The following GFPT2 variants were observed in gnomAD, a reference collection of about 807,000 sequenced individuals.
GFPT2 encodes the protein glutamine--fructose-6-phosphate transaminase 2.
Under a neutral mutation model 85.6 loss-of-function variants are expected in GFPT2, and 62 were observed. The ratio of observed to expected loss-of-function variants is 0.72; its 90% CI spans 0.59 to 0.90. GFPT2 has a LOEUF of 0.90. Among genes scored for constraint, GFPT2 ranks in the 40% least tolerant of loss-of-function variants. The pLI is 0.00. For synonymous variants in GFPT2, 368 were observed against 344.5 expected, an observed-to-expected ratio of 1.07 and a Z score of -0.75; for missense variants, 788 against 893.4, an observed-to-expected ratio of 0.88 and a Z score of 1.50.
intron 6 of GFPT2, among the ~76,000 whole-genome samples, chr5:180,329,051 A>G (rs1317443000): frequency 6.6e-6 from 1 of 152,136 alleles, no homozygotes; most frequent in East Asian, 1.9e-4. Context: ...TGGTTTTTTG[A>G]CTTAAATTCT....
chr5:180,302,318 A>C, intron 18 of GFPT2, 105 bp downstream of exon 18: 1 of 820,268 alleles, frequency 1.2e-6, no homozygotes. Context: ...ACTTTAAATA[A>C]AATTATTTAC....
intron 1 of GFPT2, 70 bp from the exon 2 acceptor site, chr5:180,338,670 G>A: frequency 1.1e-6 from 1 of 901,270 alleles, no homozygotes; most frequent in Non-Finnish European, 1.8e-6. Flanking sequence ...ACGCTTCTGG[G>A]GGATGCACCG....
chr5:180,343,690 C>T lies in GFPT2; in HGVS notation c.8-5090G>A, dbSNP rs566468805. On this transcript the variant is annotated intron_variant, in intron 1 of 18. Coordinates refer to ENST00000253778, the MANE Select transcript of GFPT2 (RefSeq NM_005110.4). Reference sequence around the variant, plus strand: ...GTGCTCTTATCATTTAAAAATAAAACACAGAATAAAATGAAGCTCCTTTCC... The same window carrying T: ...GTGCTCTTATCATTTAAAAATAAAATACAGAATAAAATGAAGCTCCTTTCC... Among the ~76,000 whole-genome samples, 4 of 152,366 alleles carry T rather than the reference C, an allele frequency of 2.6e-5. No homozygotes were observed. In the South Asian group the frequency reaches 8.3e-4, roughly 32 times the overall value.
intron 1 of GFPT2, among the ~76,000 whole-genome samples, chr5:180,342,412 T>G (rs557724312): frequency 2.7e-5 from 4 of 147,654 alleles, no homozygotes; most frequent in South Asian, 2.3e-4. Context: ...GAAATGTTTT[T>G]TTTTTTTTTT....
At chr5:180,313,526 C>G (rs184326530) in intron 14 of GFPT2, among the ~76,000 whole-genome samples, 1,775 of 151,338 alleles carry the variant, frequency 0.012, 32 homozygotes, top group African/African-American at 0.04. Context: ...GGAGGCGGAG[C>G]TTGCAGTGAG....
At chr5:180,332,459 G>A (rs1051849352) in intron 4 of GFPT2, among the ~76,000 whole-genome samples, 1 of 152,184 alleles carries the variant, frequency 6.6e-6, no homozygotes, top group Non-Finnish European at 1.5e-5. Context: ...CCACCAGGAG[G>A]TGTCTAGATG....
intron 7 of GFPT2, among the ~76,000 whole-genome samples, chr5:180,325,797 C>T (rs116180456): frequency 1.3e-5 from 2 of 152,208 alleles, no homozygotes; most frequent in African/African-American, 4.8e-5. Context: ...GGGGCTGAAG[C>T]GCGCAGATCA....
chr5:180,332,833 C>A (rs1384452165), intron 4 of GFPT2, among the ~76,000 whole-genome samples: 1 of 152,210 alleles, frequency 6.6e-6, no homozygotes, highest in Non-Finnish European at 1.5e-5. Flanking sequence ...AGCCACTGTG[C>A]CTGGTCTATT....
At position 180,336,768 on chromosome 5, in the gene GFPT2, A is replaced by G. The variant is rs77884253; in HGVS notation, c.116-191T>C. On this transcript the variant is annotated intron_variant, in intron 2 of 18. Transcript: ENST00000253778. ...CGGCCAGGCTTAACAGCAAGTGAGGAAGCCCCTGCCTCCTCCAGGCCGCAG... is the reference window on the plus strand; with the variant it reads ...CGGCCAGGCTTAACAGCAAGTGAGGGAGCCCCTGCCTCCTCCAGGCCGCAG... Among the ~76,000 whole-genome samples, 1,285 of 152,344 alleles carry G rather than the reference A, an allele frequency of 8.4e-3. 16 individuals carry two copies. The highest frequency in any genetic ancestry group is 0.029 in the African/African-American group (1,193 of 41,584).
At chr5:180,306,476 G>A (rs1763780058) in intron 16 of GFPT2, among the ~76,000 whole-genome samples, 2 of 152,374 alleles carry the variant, frequency 1.3e-5, no homozygotes, top group Middle Eastern at 6.8e-3. Context: ...CGAGATGCAG[G>A]ACCCTGCACG....
chr5:180,322,921 A>G (rs1764146824), intron 9 of GFPT2, among the ~76,000 whole-genome samples: 1 of 151,990 alleles, frequency 6.6e-6, no homozygotes. Context: ...CTGTAGTCCC[A>G]GCTACTCAGA....
At position 180,328,140 on chromosome 5, in the gene GFPT2, G is replaced by A. The variant is rs1002759904; in HGVS notation, c.596+137C>T. 6 of 632,620 alleles carry A rather than the reference G, an allele frequency of 9.5e-6. No homozygotes were observed. Among genetic ancestry groups the A allele is most frequent in the Admixed American group, 2.6e-5 (1 of 38,532 alleles). The allele number at this position is 632,620 out of a possible 1,614,324, so 39.2% of individuals were successfully genotyped here. A position where few individuals can be genotyped will look rare whatever the true frequency, so the allele number is the denominator to read the frequency against. The stretch of plus-strand genomic sequence containing the variant: ...GGAGATGGTGGGGCGCGGTCCCCGG[G>A]GCTGAGCCACAGTTGTTCTTTAGAC... On this transcript the variant is annotated intron_variant, in intron 7 of 18. Transcript: ENST00000253778. This position sits in a 1 kb window ranked among gnomAD's most constrained non-coding sequence, Gnocchi z 5.4.
At chr5:180,341,475 T>C (rs1375350535) in intron 1 of GFPT2, among the ~76,000 whole-genome samples, 1 of 152,244 alleles carries the variant, frequency 6.6e-6, no homozygotes, top group African/African-American at 2.4e-5. Flanking sequence ...TCCCATCATA[T>C]AAACTTAATT....
At chr5:180,338,631 T>C in intron 1 of GFPT2, 31 bp from the exon 2 acceptor site, 7 of 1,301,248 alleles carry the variant, frequency 5.4e-6, no homozygotes, top group Non-Finnish European at 7.8e-6. Flanking sequence ...GGTGCATTCA[T>C]AAAATACTCA....
chr5:180,342,346 G>A (rs893731005), intron 1 of GFPT2, among the ~76,000 whole-genome samples: 6 of 151,190 alleles, frequency 4.0e-5, no homozygotes, highest in Non-Finnish European at 7.4e-5. Flanking sequence ...TAAAGCATGC[G>A]ATTCAGTGGT....
chr5:180,301,437 T>C lies in GFPT2; in HGVS notation c.*127A>G. On this transcript the variant is annotated 3_prime_UTR_variant, in exon 19 of 19. Transcript: ENST00000253778. The stretch of plus-strand genomic sequence containing the variant: ...ACTTGGGTAGAAGGCACGTGGAAGC[T>C]GTCAAGCTCTACAGGAGCACGCAGA... The C allele has an allele frequency of 1.2e-6, 1 of 813,828 alleles. No individual in the cohort carries two copies. Among genetic ancestry groups the C allele is most frequent in the South Asian group, 1.5e-5 (1 of 65,822 alleles). The allele number at this position is 813,828 out of a possible 1,614,324, so 50.4% of individuals were successfully genotyped here. A position where few individuals can be genotyped will look rare whatever the true frequency, so the allele number is the denominator to read the frequency against.
At chr5:180,336,743 C>A (rs1002687677) in intron 2 of GFPT2, among the ~76,000 whole-genome samples, 166 bp from the exon 3 acceptor site, 4 of 152,220 alleles carry the variant, frequency 2.6e-5, no homozygotes, top group Non-Finnish European at 5.9e-5. Context: ...GCTGTGACTG[C>A]GGCCAGGCTT....
intron 1 of GFPT2, among the ~76,000 whole-genome samples, chr5:180,341,351 C>T (rs1227172157): frequency 1.3e-5 from 2 of 152,150 alleles, no homozygotes; most frequent in Non-Finnish European, 2.9e-5. Flanking sequence ...ATATACGAAA[C>T]CACCTGGAAT....
At position 180,313,864 on chromosome 5, in the gene GFPT2, C is replaced by T; in HGVS notation, c.1374G>A (p.Glu458=). ...TNTVGSSISR[E]TDCGVHINAG... ...CGTTGATGTGGACGCCGCAGTCGGT[C>T]TCGCGAGAGATGGAGCTGCCCACGG... Residue 458 remains glutamate, a synonymous_variant, in exon 14 of 19, where the codon GAG becomes GAA. Coordinates refer to ENST00000253778, the MANE Select transcript of GFPT2 (RefSeq NM_005110.4). 2 of 1,603,330 alleles carry T rather than the reference C, an allele frequency of 1.2e-6. No individual in the cohort carries two copies. Among genetic ancestry groups the T allele is most frequent in the Non-Finnish European group, 1.7e-6 (2 of 1,177,936 alleles).
Sources: gnomAD v4.1 joint callset for allele counts (sites outside exome capture counted in the v4.1 genomes callset) on GRCh38, gnomAD v4.1.1 for gene constraint, Gnocchi (gnomAD v3.1) non-coding constraint, MANE v1.5 for transcripts, NCBI Gene and HGNC (gene_info 2026-07-23, HGNC 2026-07-21) for gene names.